Variants in SLC24A3 observed in about 807,000 individuals in gnomAD.
The protein encoded by SLC24A3 is sodium/potassium/calcium exchanger 3.
A neutral mutation model predicts 75.8 loss-of-function variants in SLC24A3; 28 were observed. That is an observed-to-expected ratio of 0.37 (90% CI 0.27 to 0.51). The LOEUF is 0.51. Ranked by LOEUF, SLC24A3 falls within the 20% of genes least tolerant of loss-of-function variation. SLC24A3 has a pLI of 0.94. For synonymous variants in SLC24A3, 372 were observed against 334.1 expected, an observed-to-expected ratio of 1.11 and a Z score of -1.24; for missense variants, 663 against 847.8, an observed-to-expected ratio of 0.78 and a Z score of 2.71.
At chr20:19,415,422 C>G (rs540865695) in intron 2 of SLC24A3, among the ~76,000 whole-genome samples, 2 of 152,282 alleles carry the variant, frequency 1.3e-5, no homozygotes, top group East Asian at 1.9e-4. Context: ...TACAAACCCT[C>G]AAGTCCACTC....
At chr20:19,364,004 G>A (rs1568600162) in intron 2 of SLC24A3, among the ~76,000 whole-genome samples, 2 of 152,086 alleles carry the variant, frequency 1.3e-5, no homozygotes, top group South Asian at 2.1e-4. Context: ...TCAGATCTTC[G>A]GTGGGAACTG....
intron 4 of SLC24A3, among the ~76,000 whole-genome samples, chr20:19,581,628 G>A (rs573039432): frequency 1.3e-5 from 2 of 152,330 alleles, no homozygotes; most frequent in South Asian, 2.1e-4. Flanking sequence ...TAAACAGTGT[G>A]GTGTGACTAT....
chr20:19,507,263 C>G (rs370922842), intron 2 of SLC24A3, among the ~76,000 whole-genome samples: 1 of 152,182 alleles, frequency 6.6e-6, no homozygotes, highest in Non-Finnish European at 1.5e-5. Flanking sequence ...CTCCCTCCCC[C>G]AGTCTACTGG....
At chr20:19,664,204 G>A (rs2032371089) in intron 7 of SLC24A3, among the ~76,000 whole-genome samples, 1 of 152,100 alleles carries the variant, frequency 6.6e-6, no homozygotes, top group African/African-American at 2.4e-5. Context: ...AATTTGATCT[G>A]CTCCATGATT....
chr20:19,316,787 T>C (rs1034725985), intron 2 of SLC24A3, among the ~76,000 whole-genome samples: 12 of 152,218 alleles, frequency 7.9e-5, no homozygotes, highest in African/African-American at 2.7e-4. Context: ...TAACTCTCTT[T>C]GCAAAATTTT....
chr20:19,600,904 C>A (rs2031519051), intron 6 of SLC24A3, among the ~76,000 whole-genome samples: 1 of 152,104 alleles, frequency 6.6e-6, no homozygotes, highest in African/African-American at 2.4e-5. Context: ...CAAGTGATCC[C>A]CCCACTTCTG....
chr20:19,610,354 G>T (rs539699502), intron 6 of SLC24A3, among the ~76,000 whole-genome samples: 33 of 152,270 alleles, frequency 2.2e-4, no homozygotes, highest in African/African-American at 7.9e-4. Context: ...AGATGAGGTG[G>T]TCTACCCCAC....
At chr20:19,719,667 T>C (rs1201839180) in intron 16 of SLC24A3, among the ~76,000 whole-genome samples, 3 of 152,270 alleles carry the variant, frequency 2.0e-5, no homozygotes, top group African/African-American at 4.8e-5. Flanking sequence ...CCACTTAATG[T>C]CAGTGGTCTC....
At chr20:19,655,967 C>T (rs556491907) in intron 7 of SLC24A3, among the ~76,000 whole-genome samples, 6 of 152,156 alleles carry the variant, frequency 3.9e-5, no homozygotes, top group Non-Finnish European at 8.8e-5. Flanking sequence ...ATACAGCCCT[C>T]ACTGGCTCTC....
intron 2 of SLC24A3, among the ~76,000 whole-genome samples, chr20:19,325,839 G>C (rs1439284467): frequency 4.9e-5 from 3 of 61,410 alleles, no homozygotes; most frequent in Non-Finnish European, 8.9e-5. Context: ...GAGAGAGAGA[G>C]GGAGACATCT....
intron 2 of SLC24A3, among the ~76,000 whole-genome samples, chr20:19,415,312 G>C (rs1986808559): frequency 3.9e-5 from 6 of 152,238 alleles, no homozygotes; most frequent in Admixed American, 3.9e-4. Context: ...ATGCCTGCAT[G>C]TTATTCCAGA....
intron 2 of SLC24A3, among the ~76,000 whole-genome samples, chr20:19,338,892 C>T (rs774380514): frequency 7.9e-5 from 12 of 152,246 alleles, no homozygotes; most frequent in South Asian, 2.1e-4. Flanking sequence ...CCATATATGA[C>T]GAGTTTCACC....
intron 2 of SLC24A3, among the ~76,000 whole-genome samples, chr20:19,378,165 G>A (rs1341797820): frequency 6.6e-6 from 1 of 152,124 alleles, no homozygotes; most frequent in Non-Finnish European, 1.5e-5. Flanking sequence ...GTAGAGCCAG[G>A]TACTTAGGTT....
intron 6 of SLC24A3, among the ~76,000 whole-genome samples, chr20:19,604,493 TG>T (rs893783077): frequency 6.6e-6 from 1 of 151,960 alleles, no homozygotes; most frequent in Non-Finnish European, 1.5e-5. Context: ...CAGGGCTGGG[TG>T]GGGGGTCCTG....
chr20:19,416,398 T>C (rs1986827791), intron 2 of SLC24A3, among the ~76,000 whole-genome samples: 2 of 152,324 alleles, frequency 1.3e-5, no homozygotes, highest in Admixed American at 1.3e-4. Context: ...GATTTTTATT[T>C]TATGGCTCGC....
chr20:19,226,461 T>G (rs1389145853), intron 1 of SLC24A3, among the ~76,000 whole-genome samples: 1 of 152,166 alleles, frequency 6.6e-6, no homozygotes, highest in Non-Finnish European at 1.5e-5. Flanking sequence ...TTCCTCACAG[T>G]TTCTGGAAGA....
At chr20:19,373,897 T>A (rs1001244928) in intron 2 of SLC24A3, among the ~76,000 whole-genome samples, 2 of 152,142 alleles carry the variant, frequency 1.3e-5, no homozygotes, top group African/African-American at 4.8e-5. Flanking sequence ...TGTGTGTCTA[T>A]CTACGAACCC....
At chr20:19,546,220 C>CT (rs1568651743) in intron 3 of SLC24A3, among the ~76,000 whole-genome samples, 6 of 145,558 alleles carry the variant, frequency 4.1e-5, no homozygotes, top group African/African-American at 1.5e-4. Flanking sequence ...TCTTAGTGCT[C>CT]CCTTCTCCAG....
intron 2 of SLC24A3, among the ~76,000 whole-genome samples, chr20:19,292,454 G>A (rs1983963996): frequency 6.6e-6 from 1 of 152,212 alleles, no homozygotes; most frequent in Non-Finnish European, 1.5e-5. Context: ...AGTTGTCAAA[G>A]CACAGGAGCC....
Sources: allele counts gnomAD v4.1 joint callset (sites outside exome capture counted in the v4.1 genomes callset), GRCh38; gene constraint gnomAD v4.1.1; transcripts MANE v1.5; gene names NCBI Gene and HGNC (gene_info 2026-07-23, HGNC 2026-07-21).